The following LYPD3 variants were observed in gnomAD, a reference collection of about 807,000 sequenced individuals.
The protein encoded by LYPD3 is LY6/PLAUR domain containing 3, also known as ly6/PLAUR domain-containing protein 3.
Under a neutral mutation model 21.7 loss-of-function variants are expected in LYPD3, and 22 were observed. The observed-to-expected ratio is 1.01, with a 90% CI of 0.72 to 1.45. LYPD3 has a LOEUF of 1.45. Among genes scored for constraint, LYPD3 ranks in the 40% most tolerant of loss-of-function variants. The pLI is 0.00. For missense variants in LYPD3, 471 were observed against 466.9 expected (o/e 1.01, Z -0.08); for synonymous variants, 179 against 203.0 (o/e 0.88, Z 1.00).
chr19:43,461,299 G>T lies in LYPD3; in HGVS notation c.*52C>A. 13 of 1,505,102 alleles carry T rather than the reference G, an allele frequency of 8.6e-6. No individual in the cohort carries two copies. The highest frequency in any genetic ancestry group is 1.2e-5 in the Non-Finnish European group (13 of 1,123,366). 93.2% of individuals were successfully genotyped at this position (1,505,102 alleles called of 1,614,324 possible). ...GGGAACAGGAAGTGATGAGAAGAGG[G>T]GTACCCAGGGCCAGAGAAGTAGGTG... On this transcript the variant is annotated 3_prime_UTR_variant, in exon 5 of 5. Coordinates refer to ENST00000244333, the MANE Select transcript of LYPD3 (RefSeq NM_014400.3).
chr19:43,461,302 A>T lies in LYPD3; in HGVS notation c.*49T>A. 1 of 1,512,138 alleles carries T rather than the reference A, an allele frequency of 6.6e-7. No homozygotes were observed. The highest frequency in any genetic ancestry group is 8.9e-7 in the Non-Finnish European group (1 of 1,126,642). 93.7% of individuals were successfully genotyped at this position (1,512,138 alleles called of 1,614,324 possible). A position where few individuals can be genotyped will look rare whatever the true frequency, so the allele number is the denominator to read the frequency against. Reference sequence around the variant, plus strand: ...AACAGGAAGTGATGAGAAGAGGGGTACCCAGGGCCAGAGAAGTAGGTGAGA... The same window carrying T: ...AACAGGAAGTGATGAGAAGAGGGGTTCCCAGGGCCAGAGAAGTAGGTGAGA... On this transcript the variant is annotated 3_prime_UTR_variant, in exon 5 of 5. Transcript: ENST00000244333.
intron 1 of LYPD3, 148 bp from the exon 2 acceptor site, chr19:43,464,604 C>G (rs1263814488): frequency 8.5e-6 from 9 of 1,058,406 alleles, no homozygotes; most frequent in Admixed American, 4.9e-5. Context: ...AAAAGCTTTC[C>G]ACAAATCTGG....
intron 1 of LYPD3, 126 bp from the exon 2 acceptor site, chr19:43,464,582 G>A (rs1970806212): frequency 7.9e-7 from 1 of 1,258,762 alleles, no homozygotes. Flanking sequence ...CTTTTCCAGG[G>A]CAGGAGTAGG....
In LYPD3 at chr19:43,461,677, C is replaced by G. The variant is rs747307006; in HGVS notation, c.715G>C (p.Val239Leu). The G allele has an allele frequency of 9.9e-6, 16 of 1,614,016 alleles. No individual in the cohort carries two copies. In the South Asian group the frequency reaches 1.8e-4, roughly 18 times the overall value. ...TYFSPRIPPL[V>L]RLPPPEPTTV... is the part of the protein sequence containing the mutation. ...GTGGGCTCTGGAGGGGGCAGCCGGA[C>G]AAGGGGTGGGATTCGAGGGGAGAAG... is the stretch of plus-strand genomic sequence containing the variant. Residue 239 changes from valine to leucine, a missense_variant, in exon 5 of 5, where the codon GTC becomes CTC. By Grantham distance (32) the Val-to-Leu change is conservative. Coordinates refer to ENST00000244333, the MANE Select transcript of LYPD3 (RefSeq NM_014400.3).
chr19:43,465,362 G>A, intron 1 of LYPD3, 131 bp downstream of exon 1: 1 of 1,013,250 alleles, frequency 9.9e-7, no homozygotes, highest in South Asian at 1.5e-5. Context: ...TTAGGATGGG[G>A]GAACTTTGCC....
At chr19:43,461,951 G>A in intron 4 of LYPD3, 104 bp from the exon 5 acceptor site, 2 of 1,297,316 alleles carry the variant, frequency 1.5e-6, no homozygotes, top group Non-Finnish European at 2.1e-6. Flanking sequence ...ACCTGACCGG[G>A]CGTGGTGGCT....
chr19:43,465,433 G>A (rs1970813782), intron 1 of LYPD3, 60 bp downstream of exon 1: 5 of 1,570,818 alleles, frequency 3.2e-6, no homozygotes, highest in South Asian at 2.3e-5. Context: ...GGGGCCAGAG[G>A]AGCCTCCTCC....
intron 4 of LYPD3, among the ~76,000 whole-genome samples, chr19:43,462,703 T>C (rs962230098): frequency 1.3e-5 from 2 of 152,174 alleles, no homozygotes; most frequent in African/African-American, 4.8e-5. Context: ...ACATCTTCCA[T>C]AGCATAACTG....
At chr19:43,464,917 T>C (rs548963230) in intron 1 of LYPD3, among the ~76,000 whole-genome samples, 19 of 136,538 alleles carry the variant, frequency 1.4e-4, no homozygotes, top group Non-Finnish European at 2.6e-4. Flanking sequence ...AACACTTTTT[T>C]CTTTTTTTCT....
Position 43,463,727 on chromosome 19 carries a change from C to G in LYPD3, c.254G>C (p.Gly85Ala). 6.2e-7 allele frequency: 1 copy of G among 1,613,348 alleles called. No homozygotes were observed. The highest frequency in any genetic ancestry group is 8.5e-7 in the Non-Finnish European group (1 of 1,180,040). ...FSLAVRGCGS[G>A]LPGKNDRGLD... ...GCCGCGGTCATTCTTGCCGGGGAGTCCCGAACCGCAACCCCGCACTGCCAG... is the reference window on the plus strand; with the variant it reads ...GCCGCGGTCATTCTTGCCGGGGAGTGCCGAACCGCAACCCCGCACTGCCAG... The change falls in exon 3 of 5, where the codon GGA becomes GCA. Residue 85 changes from glycine (G) to alanine (A), a missense_variant. Gly to Ala is a moderately conservative substitution (Grantham distance 60). Transcript: ENST00000244333.
At chr19:43,462,478 T>C (rs1970783692) in intron 4 of LYPD3, among the ~76,000 whole-genome samples, 1 of 152,180 alleles carries the variant, frequency 6.6e-6, no homozygotes, top group Admixed American at 6.5e-5. Context: ...CTGGGTAACA[T>C]GGCAAGACCC....
rs1895321495 is a variant in LYPD3, at chr19:43,461,168, T to A, written c.*183A>T. The A allele has an allele frequency of 4.4e-6, 3 of 686,390 alleles. No homozygotes were observed. The highest frequency in any genetic ancestry group is 3.6e-5 in the African/African-American group (2 of 55,380). 42.5% of individuals were successfully genotyped at this position (686,390 alleles called of 1,614,324 possible). On this transcript the variant is annotated 3_prime_UTR_variant, in exon 5 of 5. Coordinates refer to ENST00000244333, the MANE Select transcript of LYPD3 (RefSeq NM_014400.3). ...AAGCTAGAACACCCCTGGCAGAATA[T>A]ATACAACGGTATTTTATTTCCCAAA...
In LYPD3 at chr19:43,464,376, A is replaced by G. The variant is rs1970803923; in HGVS notation, c.160T>C (p.Cys54Arg). 1.9e-6 allele frequency: 3 copies of G among 1,613,956 alleles called. No individual in the cohort carries two copies. The highest frequency in any genetic ancestry group is 1.7e-5 in the Admixed American group (1 of 60,000). The change falls in exon 2 of 5, where the codon TGC (cysteine) becomes CGC (arginine). Residue 54 changes from cysteine to arginine, a missense_variant. Cys to Arg is a radical substitution (Grantham distance 180). Transcript: ENST00000244333. ...CSPNKMKTVK[C>R]APGVDVCTEA... ...GTGCAGACGTCCACGCCCGGCGCGC[A>G]CTTCACTGTCTTCATCTTGTTCGGG...
Position 43,465,556 on chromosome 19 carries a change from T to C in LYPD3, c.16A>G (p.Lys6Glu), listed in dbSNP as rs776589153. ...CAGATCATGGCCTGGGCACCTGCTT[T>C]CCTGGCGGGGTCCATGGCTCCGTCC... MDPAR[K>E]AGAQAMIWTA... is the part of the protein sequence containing the mutation. The change falls in exon 1 of 5, where the codon AAA becomes GAA. Residue 6 changes from lysine to glutamate, a missense_variant. Transcript: ENST00000244333. 2 of 1,610,348 alleles carry C rather than the reference T, an allele frequency of 1.2e-6. No individual in the cohort carries two copies. Among genetic ancestry groups the C allele is most frequent in the Middle Eastern group, 1.6e-4 (1 of 6,068 alleles).
chr19:43,464,555 C>T, intron 1 of LYPD3, 99 bp from the exon 2 acceptor site: 1 of 1,496,406 alleles, frequency 6.7e-7, no homozygotes, highest in Non-Finnish European at 9.2e-7. Flanking sequence ...CGGGATTAGA[C>T]AGTCTTATTG....
At chr19:43,462,657 TA>T (rs200529755) in intron 4 of LYPD3, among the ~76,000 whole-genome samples, 37 of 151,016 alleles carry the variant, frequency 2.5e-4, no homozygotes, top group African/African-American at 8.8e-4. Flanking sequence ...ATGCTGTCTT[TA>T]AAAAAAAATA....
In LYPD3 at chr19:43,463,637, G is replaced by A. The variant is rs1254854904; in HGVS notation, c.344C>T (p.Ala115Val). 1.2e-6 allele frequency: 2 copies of A among 1,605,516 alleles called. No individual in the cohort carries two copies. Among genetic ancestry groups the A allele is most frequent in the Non-Finnish European group, 1.7e-6 (2 of 1,179,944 alleles). ...CGCCCGCGAGGTGAGGTTGAGCTTG[G>A]CGTTGCAGCGATCCTGAGCGCATTG... is the stretch of plus-strand genomic sequence containing the variant. ...LQQCAQDRCN[A>V]KLNLTSRALD... The change falls in exon 3 of 5, where the codon GCC (alanine) becomes GTC (valine). Residue 115 changes from alanine to valine, a missense_variant. Physicochemically the swap from Ala to Val is moderately conservative, Grantham distance 64. Coordinates refer to ENST00000244333, the MANE Select transcript of LYPD3 (RefSeq NM_014400.3).
Position 43,461,552 on chromosome 19 carries a change from C to T in LYPD3, c.840G>A (p.Pro280=), listed in dbSNP as rs749115835. ...KPMPAPTSQT[P]RQGVEHEASR... ...AGGCCTCGTGTTCTACTCCCTGTCT[C>T]GGAGTCTGACTGGTTGGCGCTGGCA... The change falls in exon 5 of 5, where the codon CCG becomes CCA. Residue 280 remains proline (P), a synonymous_variant. Transcript: ENST00000244333. The T allele has an allele frequency of 5.0e-6, 8 of 1,614,126 alleles. No homozygotes were observed. Among genetic ancestry groups the T allele is most frequent in the South Asian group, 4.4e-5 (4 of 91,082 alleles).
rs1033887531 is a variant in LYPD3 at position 43,461,245 on chromosome 19, CAG to C, written c.*104_*105del. On this transcript the variant is annotated 3_prime_UTR_variant, in exon 5 of 5. Coordinates refer to ENST00000244333, the MANE Select transcript of LYPD3 (RefSeq NM_014400.3). ...GGGATACTGGGGAATGTTGGAAAAACAGGGGCTGGGCCAGCCCAGTCCAGTGG... is the reference window on the plus strand; with the variant it reads ...GGGATACTGGGGAATGTTGGAAAAACGGGCTGGGCCAGCCCAGTCCAGTGG... 230 of 1,335,882 alleles carry C rather than the reference CAG, an allele frequency of 1.7e-4. 3 individuals are homozygous for C. The highest frequency in any genetic ancestry group is 1.7e-4 in the South Asian group (11 of 63,714). 82.8% of individuals were successfully genotyped at this position (1,335,882 alleles called of 1,614,324 possible).
Sources: gnomAD v4.1 joint callset for allele counts (sites outside exome capture counted in the v4.1 genomes callset) on GRCh38, gnomAD v4.1.1 for gene constraint, MANE v1.5 for transcripts, NCBI Gene and HGNC (gene_info 2026-07-23, HGNC 2026-07-21) for gene names.